Variants in GRIA4 observed in about 807,000 individuals in gnomAD.
The protein encoded by GRIA4 is glutamate ionotropic receptor AMPA type subunit 4, also known as glutamate receptor 4.
GRIA4 carries 34 observed loss-of-function variants against 104.0 expected under a neutral mutation model. The ratio of observed to expected loss-of-function variants is 0.33; its 90% CI spans 0.25 to 0.44. The LOEUF is 0.44. GRIA4 is among the 20% of genes least tolerant of loss of function. GRIA4 has a pLI of 1.00. For missense variants in GRIA4, 750 were observed against 1,096.5 expected, an observed-to-expected ratio of 0.68 and a Z score of 4.46; for synonymous variants, 386 against 381.9, an observed-to-expected ratio of 1.01 and a Z score of -0.13.
At chr11:105,771,718 A>G (rs1005375468) in intron 4 of GRIA4, among the ~76,000 whole-genome samples, 8 of 152,102 alleles carry the variant, frequency 5.3e-5, no homozygotes, top group Non-Finnish European at 7.4e-5. Flanking sequence ...ATTTTGAACT[A>G]CACAGGTCCA....
At chr11:105,777,436 T>C (rs923350017) in intron 4 of GRIA4, among the ~76,000 whole-genome samples, 2 of 152,198 alleles carry the variant, frequency 1.3e-5, no homozygotes, top group Non-Finnish European at 2.9e-5. Flanking sequence ...CCAAATGAGA[T>C]GAAACATTCT....
At chr11:105,616,744 C>T (rs1450116921) in intron 3 of GRIA4, among the ~76,000 whole-genome samples, 1 of 151,674 alleles carries the variant, frequency 6.6e-6, no homozygotes, top group Non-Finnish European at 1.5e-5. Context: ...GAATTAAATA[C>T]TATTTGACTT....
rs542739276 is a variant in GRIA4 at position 105,939,040 on chromosome 11, CT to C, written c.2294+5078del. On this transcript the variant is annotated intron_variant, in intron 14 of 16. Transcript: ENST00000282499. The stretch of plus-strand genomic sequence containing the variant: ...CTCATGAAGAAGGAAACAAACGTTG[CT>C]TTTTTTCTACATTTCTTTAAGACTC... Among the ~76,000 whole-genome samples the C allele has an allele frequency of 2.0e-3, 306 of 152,136 alleles. 3 individuals are homozygous for C. The highest frequency in any genetic ancestry group is 6.6e-3 in the African/African-American group (272 of 41,508).
chr11:105,749,808 CAG>C (rs1266644809), intron 3 of GRIA4, among the ~76,000 whole-genome samples: 1 of 152,100 alleles, frequency 6.6e-6, no homozygotes, highest in African/African-American at 2.4e-5. Context: ...GTTAGTGAAA[CAG>C]AACACAGAAC....
chr11:105,754,664 G>A (rs1301121495), intron 4 of GRIA4, among the ~76,000 whole-genome samples: 2 of 152,132 alleles, frequency 1.3e-5, no homozygotes, highest in African/African-American at 4.8e-5. Flanking sequence ...TGCCATGCAT[G>A]TTTTCCAATT....
At chr11:105,692,758 A>T (rs751181602) in intron 3 of GRIA4, among the ~76,000 whole-genome samples, 2 of 152,240 alleles carry the variant, frequency 1.3e-5, no homozygotes, top group Non-Finnish European at 2.9e-5. Flanking sequence ...CTCATCTGTA[A>T]CACATAAACT....
intron 4 of GRIA4, among the ~76,000 whole-genome samples, chr11:105,827,297 TA>T (rs1461095345): frequency 6.6e-6 from 1 of 152,042 alleles, no homozygotes; most frequent in Non-Finnish European, 1.5e-5. Flanking sequence ...TAATATTTGT[TA>T]TATATGATAC....
intron 13 of GRIA4, among the ~76,000 whole-genome samples, chr11:105,931,265 T>TACAC (rs373334457): frequency 0.036 from 5,228 of 143,754 alleles, 100 homozygotes; most frequent in South Asian, 0.075. Context: ...ATTGCCTAAA[T>TACAC]ACACACACAC....
intron 3 of GRIA4, among the ~76,000 whole-genome samples, chr11:105,688,565 A>AAAAT (rs891225703): frequency 3.3e-5 from 5 of 152,194 alleles, no homozygotes; most frequent in African/African-American, 1.2e-4. Context: ...TCCGTCTCAA[A>AAAAT]AAATAAATAA....
At position 105,664,527 on chromosome 11, in the gene GRIA4, A is replaced by G. The variant is rs114687261; in HGVS notation, c.247+52093A>G. ...AAATGAAGGAGATAACGTTAGTTCT[A>G]TTAATGGTACTTTGTAGCTTTGACA... On this transcript the variant is annotated intron_variant, in intron 3 of 16. Transcript: ENST00000282499. Among the ~76,000 whole-genome samples the G allele has an allele frequency of 3.4e-3, 515 of 152,084 alleles. 5 individuals carry two copies. The highest frequency in any genetic ancestry group is 0.012 in the African/African-American group (492 of 41,516).
chr11:105,669,870 T>C (rs1952304190), intron 3 of GRIA4, among the ~76,000 whole-genome samples: 1 of 152,134 alleles, frequency 6.6e-6, no homozygotes, highest in African/African-American at 2.4e-5. Context: ...GCAAAGTTGT[T>C]TCTGCAGGCT....
chr11:105,836,926 C>G (rs1304962623), intron 4 of GRIA4, among the ~76,000 whole-genome samples: 1 of 152,084 alleles, frequency 6.6e-6, no homozygotes, highest in African/African-American at 2.4e-5. Flanking sequence ...ATGTATTAGT[C>G]CATTCTCACA....
At chr11:105,656,410 T>TA (rs60485377) in intron 3 of GRIA4, among the ~76,000 whole-genome samples, 6 of 151,686 alleles carry the variant, frequency 4.0e-5, no homozygotes, top group East Asian at 3.9e-4. Context: ...CCTAAACCAA[T>TA]AAAAAAACCC....
At chr11:105,920,257 A>G (rs765990085) in intron 11 of GRIA4, among the ~76,000 whole-genome samples, 1 of 152,186 alleles carries the variant, frequency 6.6e-6, no homozygotes, top group Non-Finnish European at 1.5e-5. Context: ...TTTACCACAG[A>G]GTTCATCGAC....
chr11:105,948,001 A>G (rs1948359264), intron 14 of GRIA4, among the ~76,000 whole-genome samples: 1 of 152,250 alleles, frequency 6.6e-6, no homozygotes, highest in Admixed American at 6.5e-5. Context: ...AGAGAGTAAC[A>G]GAAAAGCTAC....
At chr11:105,960,235 G>A (rs898634694) in intron 14 of GRIA4, among the ~76,000 whole-genome samples, 4 of 152,246 alleles carry the variant, frequency 2.6e-5, no homozygotes, top group Admixed American at 6.5e-5. Context: ...CTGCTGGTCC[G>A]CAGAGACTGC....
Position 105,887,575 on chromosome 11 carries a change from A to G in GRIA4, c.726+3A>G, listed in dbSNP as rs770180876. On this transcript the variant is annotated splice_donor_region_variant and intron_variant, in intron 6 of 16. Coordinates refer to ENST00000282499, the MANE Select transcript of GRIA4 (RefSeq NM_000829.4). ...ACCATTATATCATTGCAAACTTGGT[A>G]AGAACTTCTTATTTTCTACTTTTCA... 35 of 1,322,940 alleles carry G rather than the reference A, an allele frequency of 2.6e-5. No individual in the cohort carries two copies. Among genetic ancestry groups the G allele is most frequent in the Middle Eastern group, 3.8e-4 (2 of 5,214 alleles). The allele number at this position is 1,322,940 out of a possible 1,614,324, so 82.0% of individuals were successfully genotyped here.
At chr11:105,739,021 C>G (rs1397120836) in intron 3 of GRIA4, among the ~76,000 whole-genome samples, 2 of 150,872 alleles carry the variant, frequency 1.3e-5, no homozygotes, top group African/African-American at 2.4e-5. Context: ...TCTTCCTTTT[C>G]TCTCACCTTC....
chr11:105,635,598 T>G (rs1951182648), intron 3 of GRIA4, among the ~76,000 whole-genome samples: 1 of 152,164 alleles, frequency 6.6e-6, no homozygotes, highest in Non-Finnish European at 1.5e-5. Flanking sequence ...TTCATGCCAT[T>G]TCAAATAACT....
Sources: gnomAD v4.1 joint callset for allele counts (sites outside exome capture counted in the v4.1 genomes callset) on GRCh38, gnomAD v4.1.1 for gene constraint, MANE v1.5 for transcripts, NCBI Gene and HGNC (gene_info 2026-07-23, HGNC 2026-07-21) for gene names.